Variants in DNAI1 observed in about 807,000 individuals in gnomAD.
DNAI1 encodes the protein dynein, axonemal, intermediate polypeptide 1.
A neutral mutation model predicts 92.0 loss-of-function variants in DNAI1; 67 were observed. That is an observed-to-expected ratio of 0.73 (90% CI 0.60 to 0.89). The LOEUF is 0.89. Ranked by LOEUF, DNAI1 falls within the 40% of genes least tolerant of loss-of-function variation. The pLI is 0.00. For synonymous variants in DNAI1, 323 were observed against 319.6 expected (o/e 1.01, Z -0.11); for missense variants, 839 against 866.6 (o/e 0.97, Z 0.40).
At chr9:34,514,116 T>C (rs1323514836) in intron 16 of DNAI1, among the ~76,000 whole-genome samples, 2 of 152,194 alleles carry the variant, frequency 1.3e-5, no homozygotes, top group Admixed American at 6.5e-5. Context: ...GCTTTTTCTG[T>C]CTGGCCTGGA....
chr9:34,499,942 G>T (rs1342599517), intron 10 of DNAI1, among the ~76,000 whole-genome samples: 1 of 152,238 alleles, frequency 6.6e-6, no homozygotes, highest in Non-Finnish European at 1.5e-5. Flanking sequence ...GTGAAACAAG[G>T]GTTGGAGAAG....
chr9:34,498,728 G>A (rs1289456087), intron 10 of DNAI1, among the ~76,000 whole-genome samples: 1 of 152,150 alleles, frequency 6.6e-6, no homozygotes, highest in Non-Finnish European at 1.5e-5. Flanking sequence ...ATGCTGGCTG[G>A]TCTCCTTTGC....
At chr9:34,471,515 A>AT (rs1824134313) in intron 1 of DNAI1, among the ~76,000 whole-genome samples, 1 of 152,078 alleles carries the variant, frequency 6.6e-6, no homozygotes, top group Non-Finnish European at 1.5e-5. Context: ...CAAGCCTGTA[A>AT]TCCCAGCACT....
At chr9:34,491,598 A>G (rs1380185808) in intron 8 of DNAI1, 44 bp downstream of exon 8, 2 of 1,606,944 alleles carry the variant, frequency 1.2e-6, no homozygotes, top group Non-Finnish European at 1.7e-6. Context: ...ACCCACCTCT[A>G]TGTATCCTTT....
At position 34,500,798 on chromosome 9, in the gene DNAI1, A is replaced by C. The variant is rs16931555; in HGVS notation, c.978A>C (p.Gln326His). The change falls in exon 11 of 20, where the codon CAA (glutamine) becomes CAC (histidine). Residue 326 changes from glutamine to histidine, a missense_variant. Coordinates refer to ENST00000242317, the MANE Select transcript of DNAI1 (RefSeq NM_012144.4). ...VGTLLPLWKF[Q>H]NDKAKRLSVT... ...CCCTGCTGCCGCTCTGGAAGTTCCAAAATGACAAAGCCAAGCGCCTGTCCG... is the reference window on the plus strand; with the variant it reads ...CCCTGCTGCCGCTCTGGAAGTTCCACAATGACAAAGCCAAGCGCCTGTCCG... 2,928 of 1,614,112 alleles carry C rather than the reference A, an allele frequency of 1.8e-3. 56 individuals carry two copies. The African/African-American group carries it at 0.033, about 18-fold the overall frequency.
rs1378371938 is a variant in DNAI1, at chr9:34,489,971, G to A, written c.389-41G>A. On this transcript the variant is annotated intron_variant, in intron 5 of 19. Transcript: ENST00000242317. ...GCCCTCCCTGCCACAGATTGGGAGA[G>A]CAGGCTTAGACTTTGAACTCATTGG... The A allele has an allele frequency of 2.5e-6, 4 of 1,609,422 alleles. 1 individual carries two copies. The highest frequency in any genetic ancestry group is 2.2e-5 in the South Asian group (2 of 89,982).
At chr9:34,460,358 T>A (rs1823926916) in intron 1 of DNAI1, among the ~76,000 whole-genome samples, 1 of 152,242 alleles carries the variant, frequency 6.6e-6, no homozygotes, top group African/African-American at 2.4e-5. Flanking sequence ...TATTCCAGAT[T>A]TACCCCACTC....
intron 1 of DNAI1, among the ~76,000 whole-genome samples, chr9:34,477,005 G>A (rs1232608228): frequency 6.6e-6 from 1 of 152,114 alleles, no homozygotes; most frequent in Non-Finnish European, 1.5e-5. Flanking sequence ...GGCTCTTGGA[G>A]GCTTTATTTT....
At chr9:34,499,658 G>A (rs901854984) in intron 10 of DNAI1, among the ~76,000 whole-genome samples, 11 of 152,182 alleles carry the variant, frequency 7.2e-5, no homozygotes, top group Non-Finnish European at 1.6e-4. Flanking sequence ...TTACAGATGA[G>A]AAAGAGTTTG....
chr9:34,491,414 C>A, intron 7 of DNAI1, 81 bp from the exon 8 acceptor site: 1 of 1,520,816 alleles, frequency 6.6e-7, no homozygotes, highest in Non-Finnish European at 9.1e-7. Flanking sequence ...AGCCAAAATG[C>A]TTCTCTCAAA....
intron 19 of DNAI1, among the ~76,000 whole-genome samples, chr9:34,519,857 G>A (rs538077984): frequency 6.6e-6 from 1 of 152,314 alleles, no homozygotes; most frequent in East Asian, 1.9e-4. Flanking sequence ...CCCCAGCACA[G>A]CCCTCACCCC....
Position 34,520,792 on chromosome 9 carries a change from A to T in DNAI1, c.*36A>T. 6.5e-7 allele frequency: 1 copy of T among 1,545,398 alleles called. No homozygotes were observed. Among genetic ancestry groups the T allele is most frequent in the Non-Finnish European group, 8.8e-7 (1 of 1,141,424 alleles). The stretch of plus-strand genomic sequence containing the variant: ...TCAGTCTCTGTCCCATCGCTTGAAT[A>T]CAGTACTCCTAGGGCTTGACCCTGG... On this transcript the variant is annotated 3_prime_UTR_variant, in exon 20 of 20. Transcript: ENST00000242317.
chr9:34,485,169 G>A lies in DNAI1; in HGVS notation c.109G>A (p.Glu37Lys), dbSNP rs1272888567. 6.2e-7 allele frequency: 1 copy of A among 1,614,224 alleles called. No individual in the cohort carries two copies. Among genetic ancestry groups the A allele is most frequent in the South Asian group, 1.1e-5 (1 of 91,082 alleles). Residue 37 changes from glutamate (E) to lysine (K), a missense_variant, in exon 3 of 20, where the codon GAA (glutamate) becomes AAA (lysine). Transcript: ENST00000242317. ...TGAAGATTCAGGGACTGAAGTGGGA[G>A]AAGGCACAGATGAATGGGCCCAATC... ...RDEDSGTEVG[E>K]GTDEWAQSKA... is the part of the protein sequence containing the mutation.
intron 10 of DNAI1, 85 bp downstream of exon 10, chr9:34,497,284 C>A: frequency 9.7e-7 from 1 of 1,034,636 alleles, no homozygotes; most frequent in Non-Finnish European, 1.5e-6. Context: ...GTGTCTCTTG[C>A]TAGCTCCTAT....
At chr9:34,481,534 C>G in intron 1 of DNAI1, among the ~76,000 whole-genome samples, 1 of 152,224 alleles carries the variant, frequency 6.6e-6, no homozygotes, top group Non-Finnish European at 1.5e-5. Context: ...CTTGGTCTCA[C>G]TGACTTCAAG....
chr9:34,472,574 G>A (rs900903706), intron 1 of DNAI1, among the ~76,000 whole-genome samples: 2 of 152,086 alleles, frequency 1.3e-5, no homozygotes, highest in Admixed American at 6.6e-5. Context: ...TTCTTAATTA[G>A]CATTTGAAAT....
At chr9:34,494,160 A>G (rs964676420) in intron 9 of DNAI1, among the ~76,000 whole-genome samples, 1 of 151,928 alleles carries the variant, frequency 6.6e-6, no homozygotes, top group Non-Finnish European at 1.5e-5. Flanking sequence ...GAGAGTTCCC[A>G]TGGCTGCTCT....
At chr9:34,519,809 G>A (rs184411836) in intron 19 of DNAI1, among the ~76,000 whole-genome samples, 12 of 152,298 alleles carry the variant, frequency 7.9e-5, no homozygotes, top group South Asian at 2.1e-4. Context: ...GGAGCACAGC[G>A]AAGGCAGGAA....
rs1824937169 is a variant in DNAI1 at position 34,506,691 on chromosome 9, T to G, written c.1128T>G (p.Pro376=). 1 of 1,614,204 alleles carries G rather than the reference T, an allele frequency of 6.2e-7. No individual in the cohort carries two copies. The highest frequency in any genetic ancestry group is 8.5e-7 in the Non-Finnish European group (1 of 1,180,038). The part of the protein sequence containing the change: ...LLYSLKNPSF[P]EYMFSSNSGV... ...ACAGCCTGAAGAACCCCAGCTTCCC[T>G]GAGTACATGTTCAGCAGCAACAGCG... Residue 376 remains proline, a synonymous_variant, in exon 13 of 20, where the codon CCT becomes CCG. Transcript: ENST00000242317.
Sources: gnomAD v4.1 joint callset for allele counts (sites outside exome capture counted in the v4.1 genomes callset) on GRCh38, gnomAD v4.1.1 for gene constraint, MANE v1.5 for transcripts, NCBI Gene and HGNC (gene_info 2026-07-23, HGNC 2026-07-21) for gene names.